NELL1: variants seen among roughly 807,000 people sequenced by gnomAD.
NELL1 encodes neural EGFL like 1, also known as protein kinase C-binding protein NELL1.
Under a neutral mutation model 107.4 loss-of-function variants are expected in NELL1, and 76 were observed. The ratio of observed to expected loss-of-function variants is 0.71; its 90% CI spans 0.59 to 0.86. The LOEUF (loss-of-function observed/expected upper bound fraction) is 0.86. Ranked by LOEUF, NELL1 falls within the 40% of genes least tolerant of loss-of-function variation. The probability of loss-of-function intolerance (pLI) is 0.00; values close to 1 mark genes in which losing one functional copy is unlikely to be tolerated. For missense variants in NELL1, 1,024 were observed against 1,005.5 expected, an observed-to-expected ratio of 1.02 and a Z score of -0.25; for synonymous variants, 353 against 341.2, an observed-to-expected ratio of 1.03 and a Z score of -0.38.
At chr11:21,570,308 A>G (rs1857070399) in intron 17 of NELL1, among the ~76,000 whole-genome samples, 1 of 151,768 alleles carries the variant, frequency 6.6e-6, no homozygotes, top group Admixed American at 6.6e-5. Context: ...GTCTACGTTA[A>G]TTTTCTGTAT....
chr11:21,369,581 C>T (rs1166275188), intron 14 of NELL1, among the ~76,000 whole-genome samples: 1 of 151,932 alleles, frequency 6.6e-6, no homozygotes, highest in Non-Finnish European at 1.5e-5. Context: ...TAGTGTTCAG[C>T]TTTCTGAACA....
intron 12 of NELL1, among the ~76,000 whole-genome samples, chr11:21,014,312 T>C (rs1454807969): frequency 6.6e-6 from 1 of 152,110 alleles, no homozygotes; most frequent in East Asian, 1.9e-4. Flanking sequence ...TAGAAATTCT[T>C]GGGGTAGAGC....
At chr11:21,096,698 C>T (rs1854650846) in intron 12 of NELL1, among the ~76,000 whole-genome samples, 1 of 152,064 alleles carries the variant, frequency 6.6e-6, no homozygotes, top group African/African-American at 2.4e-5. Flanking sequence ...ATCATCTTCA[C>T]TCCATACCAC....
chr11:20,747,096 T>C (rs955139539), intron 2 of NELL1, among the ~76,000 whole-genome samples: 1 of 152,162 alleles, frequency 6.6e-6, no homozygotes, highest in Non-Finnish European at 1.5e-5. Flanking sequence ...GCACATATAA[T>C]AATTTTTGAG....
intron 14 of NELL1, among the ~76,000 whole-genome samples, chr11:21,252,607 A>G (rs1345059133): frequency 6.6e-6 from 1 of 152,166 alleles, no homozygotes; most frequent in Non-Finnish European, 1.5e-5. Context: ...AATTTAGTCA[A>G]AAGCTATCAA....
chr11:21,095,376 A>C (rs997755915), intron 12 of NELL1, among the ~76,000 whole-genome samples: 6 of 151,846 alleles, frequency 4.0e-5, no homozygotes, highest in African/African-American at 1.2e-4. Context: ...AAATTGTTCC[A>C]CCCTCTGCCT....
chr11:21,495,001 G>T (rs186185862), intron 15 of NELL1, among the ~76,000 whole-genome samples: 1 of 152,044 alleles, frequency 6.6e-6, no homozygotes, highest in East Asian at 1.9e-4. Flanking sequence ...CTCATGAATA[G>T]CTTTATTGAG....
intron 3 of NELL1, among the ~76,000 whole-genome samples, chr11:20,821,725 T>C (rs1239176506): frequency 6.6e-6 from 1 of 152,226 alleles, no homozygotes; most frequent in African/African-American, 2.4e-5. Context: ...TCAAACACTT[T>C]AATTAAATTT....
chr11:21,513,035 T>C (rs1439141515), intron 15 of NELL1, among the ~76,000 whole-genome samples: 1 of 152,160 alleles, frequency 6.6e-6, no homozygotes, highest in Admixed American at 6.5e-5. Context: ...GTCAAGGTGA[T>C]TGGACATCAA....
At chr11:21,382,331 C>T (rs542002192) in intron 15 of NELL1, among the ~76,000 whole-genome samples, 17 of 151,966 alleles carry the variant, frequency 1.1e-4, no homozygotes, top group South Asian at 6.2e-4. Flanking sequence ...AACTTTGGGA[C>T]GTAGAAATCC....
In NELL1 at chr11:21,392,534, T is replaced by G. The variant is rs181388387; in HGVS notation, c.1645+21586T>G. Among the ~76,000 whole-genome samples, 3 of 151,946 alleles carry G rather than the reference T, an allele frequency of 2.0e-5. No homozygotes were observed. The East Asian group carries it at 5.9e-4, about 30-fold the overall frequency. On this transcript the variant is annotated intron_variant, in intron 15 of 19. Transcript: ENST00000357134. ...ATAATTTGTCTTTAGTATTATCTCG[T>G]TAGAGTTTGAGGGGAAAAGTAGGGG...
intron 14 of NELL1, 28 bp downstream of exon 14, chr11:21,229,482 G>T: frequency 6.2e-7 from 1 of 1,612,634 alleles, no homozygotes; most frequent in Non-Finnish European, 8.5e-7. Flanking sequence ...GTGTTGAGTT[G>T]TGAGCAGCCA....
intron 15 of NELL1, among the ~76,000 whole-genome samples, chr11:21,510,196 T>C (rs1030637896): frequency 1.3e-5 from 2 of 152,176 alleles, no homozygotes; most frequent in Non-Finnish European, 2.9e-5. Context: ...TTTCCAAGTA[T>C]AGATCATAAT....
chr11:21,286,440 A>G, intron 14 of NELL1, among the ~76,000 whole-genome samples: 1 of 152,164 alleles, frequency 6.6e-6, no homozygotes, highest in East Asian at 1.9e-4. Context: ...TGTTCTTTTC[A>G]AGTGGAGCAA....
chr11:20,989,077 G>A (rs1019811619), intron 12 of NELL1, among the ~76,000 whole-genome samples: 1 of 152,172 alleles, frequency 6.6e-6, no homozygotes, highest in African/African-American at 2.4e-5. Context: ...AAGACAGCAA[G>A]GTTAAGCCAC....
intron 17 of NELL1, among the ~76,000 whole-genome samples, chr11:21,565,654 C>T (rs777226993): frequency 1.3e-5 from 2 of 151,902 alleles, no homozygotes; most frequent in African/African-American, 2.4e-5. Flanking sequence ...CCCTAGCCTC[C>T]TCACGATACA....
At chr11:21,344,268 G>A (rs144729832) in intron 14 of NELL1, among the ~76,000 whole-genome samples, 292 of 152,308 alleles carry the variant, frequency 1.9e-3, no homozygotes, top group Admixed American at 3.7e-3. Flanking sequence ...ATTGCAGCAG[G>A]AGCTGGTAGA....
chr11:20,819,158 T>C (rs1300288289), intron 3 of NELL1, among the ~76,000 whole-genome samples: 1 of 152,200 alleles, frequency 6.6e-6, no homozygotes, highest in Non-Finnish European at 1.5e-5. Context: ...GTGGTATTTT[T>C]AATGCCATTT....
chr11:20,880,452 G>A (rs563709757), intron 4 of NELL1, among the ~76,000 whole-genome samples: 1 of 152,288 alleles, frequency 6.6e-6, no homozygotes, highest in South Asian at 2.1e-4. Context: ...TTTAAATGAG[G>A]AAATTGAAAT....
Sources: gnomAD v4.1 joint callset for allele counts (sites outside exome capture counted in the v4.1 genomes callset) on GRCh38, gnomAD v4.1.1 for gene constraint, MANE v1.5 for transcripts, NCBI Gene and HGNC (gene_info 2026-07-23, HGNC 2026-07-21) for gene names.